FKBP7: variants seen among roughly 807,000 people sequenced by gnomAD.
The protein encoded by FKBP7 is peptidyl-prolyl cis-trans isomerase FKBP7.
FKBP7 carries 24 observed loss-of-function variants against 24.3 expected under a neutral mutation model. The observed-to-expected ratio is 0.99, with a 90% confidence interval of 0.72 to 1.39. The LOEUF (loss-of-function observed/expected upper bound fraction) is 1.39, where lower values mean the gene tolerates loss of function less well. Among genes scored for constraint, FKBP7 ranks in the 40% most tolerant of loss-of-function variants. The pLI is 0.00. For synonymous variants in FKBP7, 98 were observed against 92.8 expected, an observed-to-expected ratio of 1.06 and a Z score of -0.32; for missense variants, 257 against 269.5, an observed-to-expected ratio of 0.95 and a Z score of 0.33.
chr2:178,472,917 TAA>T (rs368700753), intron 2 of FKBP7: 64 of 239,802 alleles, frequency 2.7e-4, no homozygotes, highest in Admixed American at 7.1e-4. Context: ...TTTTTTTTTT[TAA>T]AAAAAACTAA....
intron 3 of FKBP7, 67 bp from the exon 4 acceptor site, chr2:178,465,998 A>C (rs745940521): frequency 7.6e-7 from 1 of 1,318,424 alleles, no homozygotes. Context: ...AACTTTAAGG[A>C]ATAGTTATAA....
Position 178,465,933 on chromosome 2 carries a change from T to C in FKBP7, c.508-2A>G, listed in dbSNP as rs138210743. The C allele has an allele frequency of 1.3e-6, 2 of 1,587,326 alleles. No homozygotes were observed. The highest frequency in any genetic ancestry group is 1.4e-5 in the African/African-American group (1 of 73,574). On this transcript the variant is annotated splice_acceptor_variant, in intron 3 of 3. Transcript: ENST00000424785. LOFTEE classifies it high-confidence loss of function. Reference sequence around the variant, plus strand: ...TTCCCTTTGCAAGTAGAGGTTTATCTGGAAGGCCAAAATAACATTCCTTTA... The same window carrying C: ...TTCCCTTTGCAAGTAGAGGTTTATCCGGAAGGCCAAAATAACATTCCTTTA...
In FKBP7 at chr2:178,465,415, A is replaced by T. The variant is rs557188609; in HGVS notation, c.*355T>A. On this transcript the variant is annotated 3_prime_UTR_variant, in exon 4 of 4. Coordinates refer to ENST00000424785, the MANE Select transcript of FKBP7 (RefSeq NM_181342.3). ...AACTTTTAAACTATAAAAAAACTGGATATTAACATGCTGGTAAGGTTAAAG... is the reference window on the plus strand; with the variant it reads ...AACTTTTAAACTATAAAAAAACTGGTTATTAACATGCTGGTAAGGTTAAAG... The T allele has an allele frequency of 1.2e-5, 2 of 161,310 alleles. No homozygotes were observed. Among genetic ancestry groups the T allele is most frequent in the Admixed American group, 1.3e-4 (2 of 15,568 alleles). 10.0% of individuals were successfully genotyped at this position (161,310 alleles called of 1,614,324 possible).
chr2:178,478,389 T>G lies in FKBP7; in HGVS notation c.111A>C (p.Ile37=). The G allele has an allele frequency of 6.2e-7, 1 of 1,614,264 alleles. No homozygotes were observed. Among genetic ancestry groups the G allele is most frequent in the Non-Finnish European group, 8.5e-7 (1 of 1,180,050 alleles). ...KKEESTEEVK[I]EVLHRPENCS... ...AGTTTTCTGGACGATGCAAAACTTC[T>G]ATTTTCACTTCTTCGGTGCTCTCCT... is the stretch of plus-strand genomic sequence containing the variant. Residue 37 remains isoleucine (I), a synonymous_variant, in exon 1 of 4, where the codon ATA becomes ATC. Coordinates refer to ENST00000424785, the MANE Select transcript of FKBP7 (RefSeq NM_181342.3).
chr2:178,471,882 T>C (rs1448649725), intron 2 of FKBP7, among the ~76,000 whole-genome samples: 1 of 152,190 alleles, frequency 6.6e-6, no homozygotes, highest in African/African-American at 2.4e-5. Context: ...ATGCATCATA[T>C]GACTAACATA....
intron 3 of FKBP7, among the ~76,000 whole-genome samples, chr2:178,466,527 C>T (rs1466795373): frequency 1.3e-5 from 2 of 152,058 alleles, no homozygotes; most frequent in African/African-American, 4.8e-5. Context: ...ATAGTAGCCA[C>T]TAGCCACATG....
intron 2 of FKBP7, among the ~76,000 whole-genome samples, chr2:178,473,892 G>T (rs1684926227): frequency 6.6e-6 from 1 of 152,056 alleles, no homozygotes. Flanking sequence ...ATGAATTATG[G>T]TACCATGGGA....
chr2:178,475,144 C>A (rs540812645), intron 2 of FKBP7, among the ~76,000 whole-genome samples: 1 of 152,262 alleles, frequency 6.6e-6, no homozygotes, highest in South Asian at 2.1e-4. Context: ...ACCCTCCCAC[C>A]CAAAAATGCC....
At chr2:178,472,829 G>T (rs1321663877) in intron 2 of FKBP7, among the ~76,000 whole-genome samples, 1 of 120,748 alleles carries the variant, frequency 8.3e-6, no homozygotes, top group African/African-American at 3.2e-5. Flanking sequence ...TCCAATCTGG[G>T]TGACAGAGCA....
intron 2 of FKBP7, among the ~76,000 whole-genome samples, chr2:178,473,788 C>A (rs1414461764): frequency 6.6e-6 from 1 of 152,240 alleles, no homozygotes; most frequent in African/African-American, 2.4e-5. Flanking sequence ...CAACTTTTGA[C>A]AACATTTTTA....
chr2:178,467,435 GT>G (rs1282451050), intron 3 of FKBP7, among the ~76,000 whole-genome samples: 1 of 151,742 alleles, frequency 6.6e-6, no homozygotes, highest in African/African-American at 2.4e-5. Flanking sequence ...GTTTGTTTTT[GT>G]TTTTGTTTTT....
At chr2:178,476,501 C>T (rs1685004448) in intron 2 of FKBP7, among the ~76,000 whole-genome samples, 1 of 152,180 alleles carries the variant, frequency 6.6e-6, no homozygotes, top group African/African-American at 2.4e-5. Flanking sequence ...CAACAATTCC[C>T]CTTTTCCCTC....
intron 2 of FKBP7, among the ~76,000 whole-genome samples, chr2:178,471,415 G>A (rs1468361773): frequency 6.6e-6 from 1 of 151,968 alleles, no homozygotes; most frequent in Non-Finnish European, 1.5e-5. Context: ...GTTTCACCAT[G>A]TTGGCCAGGC....
intron 2 of FKBP7, among the ~76,000 whole-genome samples, chr2:178,474,026 C>A (rs550753047): frequency 3.9e-5 from 6 of 152,280 alleles, no homozygotes; most frequent in South Asian, 2.1e-4. Context: ...GACACCCCCC[C>A]ACCACCCGCC....
Position 178,465,385 on chromosome 2 carries a change from A to G in FKBP7, c.*385T>C, listed in dbSNP as rs1003726680. ...AATGGATATTTTCAAAATATGAGGC[A>G]CTTTAACTTTTAAACTATAAAAAAA... On this transcript the variant is annotated 3_prime_UTR_variant, in exon 4 of 4. Coordinates refer to ENST00000424785, the MANE Select transcript of FKBP7 (RefSeq NM_181342.3). 6.5e-6 allele frequency: 1 copy of G among 154,540 alleles called. No homozygotes were observed. The highest frequency in any genetic ancestry group is 2.4e-5 in the African/African-American group (1 of 41,600). The allele number at this position is 154,540 out of a possible 1,614,324, so 9.6% of individuals were successfully genotyped here.
At chr2:178,470,841 A>G (rs1409525528) in intron 2 of FKBP7, among the ~76,000 whole-genome samples, 4 of 152,160 alleles carry the variant, frequency 2.6e-5, no homozygotes, top group South Asian at 2.1e-4. Flanking sequence ...AAGAAATTGT[A>G]TACATTTTTA....
intron 2 of FKBP7, among the ~76,000 whole-genome samples, chr2:178,471,650 C>G (rs1684849676): frequency 6.6e-6 from 1 of 152,222 alleles, no homozygotes; most frequent in Admixed American, 6.5e-5. Context: ...TACACAGTGC[C>G]TAATCTACTA....
At chr2:178,472,170 G>A (rs187810782) in intron 2 of FKBP7, among the ~76,000 whole-genome samples, 6 of 151,274 alleles carry the variant, frequency 4.0e-5, no homozygotes, top group South Asian at 2.1e-4. Context: ...CACCTCCCGA[G>A]TTCAAGTGAT....
chr2:178,471,254 G>T (rs1003049614), intron 2 of FKBP7, among the ~76,000 whole-genome samples: 12 of 151,384 alleles, frequency 7.9e-5, no homozygotes, highest in African/African-American at 2.9e-4. Flanking sequence ...CTGTCACCCA[G>T]GCTGGAGTGC....
Sources: gnomAD v4.1 joint callset for allele counts (sites outside exome capture counted in the v4.1 genomes callset) on GRCh38, gnomAD v4.1.1 for gene constraint, MANE v1.5 for transcripts, NCBI Gene and HGNC (gene_info 2026-07-23, HGNC 2026-07-21) for gene names.